ELF1: variants seen among roughly 807,000 people sequenced by gnomAD.
The protein encoded by ELF1 is ETS-related transcription factor Elf-1.
Under a neutral mutation model 59.9 loss-of-function variants are expected in ELF1, and 24 were observed. That is an observed-to-expected ratio of 0.40 (90% confidence interval 0.29 to 0.56). ELF1 has a LOEUF of 0.56. Among genes scored for constraint, ELF1 ranks in the 20% least tolerant of loss-of-function variants. The pLI is 0.44. For missense variants in ELF1, 627 were observed against 742.2 expected, an observed-to-expected ratio of 0.84 and a Z score of 1.80; for synonymous variants, 248 against 266.2, an observed-to-expected ratio of 0.93 and a Z score of 0.67.
intron 1 of ELF1, among the ~76,000 whole-genome samples, chr13:41,018,560 TTTC>T (rs1262724241): frequency 2.0e-5 from 3 of 152,212 alleles, no homozygotes; most frequent in African/African-American, 4.8e-5. Context: ...CATTCTAGTC[TTTC>T]TTCCTCTATT....
At chr13:41,031,492 G>A (rs1172584811) in intron 1 of ELF1, among the ~76,000 whole-genome samples, 2 of 152,056 alleles carry the variant, frequency 1.3e-5, no homozygotes, top group South Asian at 2.1e-4. Flanking sequence ...CTACAGAACT[G>A]AGAACAAAAA....
chr13:41,043,803 A>G (rs1157666757), intron 1 of ELF1, among the ~76,000 whole-genome samples: 2 of 152,162 alleles, frequency 1.3e-5, no homozygotes, highest in Admixed American at 1.3e-4. Flanking sequence ...TTGGTACCAT[A>G]TGAACTTTAA....
chr13:41,024,753 T>C (rs1242061294), intron 1 of ELF1, among the ~76,000 whole-genome samples: 1 of 152,148 alleles, frequency 6.6e-6, no homozygotes, highest in Admixed American at 6.6e-5. Context: ...TCAAAGACAT[T>C]TGTTAACCTA....
intron 7 of ELF1, among the ~76,000 whole-genome samples, chr13:40,941,808 C>G (rs1566165694): frequency 1.3e-5 from 2 of 152,222 alleles, no homozygotes; most frequent in South Asian, 4.1e-4. Context: ...CAGGCGCATG[C>G]TACCACACGT....
At chr13:40,942,844 T>A in intron 7 of ELF1, 108 bp downstream of exon 7, 1 of 1,151,150 alleles carries the variant, frequency 8.7e-7, no homozygotes, top group Non-Finnish European at 1.2e-6. Flanking sequence ...TCTTATTATG[T>A]ATTTGCATTA....
intron 1 of ELF1, among the ~76,000 whole-genome samples, chr13:41,054,724 C>T (rs1387115586): frequency 6.6e-6 from 1 of 152,074 alleles, no homozygotes; most frequent in African/African-American, 2.4e-5. Flanking sequence ...TATTGGACTG[C>T]GGGAAGTCCT....
intron 1 of ELF1, among the ~76,000 whole-genome samples, chr13:40,983,380 A>AAATCCAGCTAGTATGTGTCAGCC (rs1429923482): frequency 2.0e-5 from 3 of 152,218 alleles, no homozygotes; most frequent in African/African-American, 4.8e-5. Flanking sequence ...CTGAAAACGT[A>AAATCCAGCTAGTATGTGTCAGCC]AATCCAGCTA....
Position 40,955,239 on chromosome 13 carries a change from C to T in ELF1, c.253+3597G>A, listed in dbSNP as rs1345748957. On this transcript the variant is annotated intron_variant, in intron 3 of 8. Coordinates refer to ENST00000239882, the MANE Select transcript of ELF1 (RefSeq NM_172373.4). The stretch of plus-strand genomic sequence containing the variant: ...GCCACTCCGTCTGGGAAGTGAGGAG[C>T]ATCTCCGCCTGGCAGCCACCCCGTC... Among the ~76,000 whole-genome samples, 755 of 145,366 alleles carry T rather than the reference C, an allele frequency of 5.2e-3. 10 individuals carry two copies. The highest frequency in any genetic ancestry group is 0.012 in the South Asian group (52 of 4,410).
At chr13:40,947,755 T>C (rs940697212) in intron 5 of ELF1, among the ~76,000 whole-genome samples, 1 of 152,154 alleles carries the variant, frequency 6.6e-6, no homozygotes, top group Non-Finnish European at 1.5e-5. Flanking sequence ...AACTCACATT[T>C]TGGTATCACA....
intron 2 of ELF1, among the ~76,000 whole-genome samples, chr13:40,964,956 AC>A (rs1374118524): frequency 1.3e-4 from 20 of 152,036 alleles, no homozygotes; most frequent in Non-Finnish European, 2.2e-4. Flanking sequence ...ATAAGGTTAC[AC>A]TCTGAGGTAC....
At chr13:41,005,225 C>T (rs947651234) in intron 1 of ELF1, among the ~76,000 whole-genome samples, 14 of 151,956 alleles carry the variant, frequency 9.2e-5, no homozygotes, top group African/African-American at 2.9e-4. Flanking sequence ...GTCTTGGGAT[C>T]TAAGATTCAA....
intron 2 of ELF1, among the ~76,000 whole-genome samples, chr13:40,973,199 C>G (rs1427611825): frequency 2.6e-5 from 4 of 152,150 alleles, no homozygotes; most frequent in African/African-American, 7.2e-5. Flanking sequence ...TCGCATCATC[C>G]TGCTGATAAG....
intron 1 of ELF1, among the ~76,000 whole-genome samples, chr13:40,984,158 C>T (rs1471438829): frequency 6.6e-6 from 1 of 152,204 alleles, no homozygotes; most frequent in Non-Finnish European, 1.5e-5. Flanking sequence ...ACAACTGAAG[C>T]AAAACCTCTT....
intron 2 of ELF1, among the ~76,000 whole-genome samples, chr13:40,963,911 GA>G (rs530094659): frequency 1.8e-4 from 25 of 136,826 alleles, no homozygotes; most frequent in East Asian, 1.1e-3. Flanking sequence ...GTCTCAAAAA[GA>G]AAAAAAAAAA....
At chr13:40,968,217 C>G (rs1872305703) in intron 2 of ELF1, among the ~76,000 whole-genome samples, 1 of 152,290 alleles carries the variant, frequency 6.6e-6, no homozygotes, top group Middle Eastern at 3.4e-3. Context: ...AACTTCAAAA[C>G]ATCTTCAAAA....
At chr13:41,058,229 A>T (rs553042673) in intron 1 of ELF1, among the ~76,000 whole-genome samples, 1 of 152,260 alleles carries the variant, frequency 6.6e-6, no homozygotes, top group Admixed American at 6.5e-5. Context: ...ATCAAGTTAA[A>T]ATTCCTTTCT....
At chr13:41,006,950 T>G (rs1212865865) in intron 1 of ELF1, among the ~76,000 whole-genome samples, 3 of 152,178 alleles carry the variant, frequency 2.0e-5, no homozygotes, top group Non-Finnish European at 4.4e-5. Context: ...CCCAAGTTTA[T>G]CTAAAACATA....
chr13:40,937,022 C>T (rs1179277020), intron 8 of ELF1, among the ~76,000 whole-genome samples: 3 of 152,130 alleles, frequency 2.0e-5, no homozygotes, highest in Non-Finnish European at 4.4e-5. Flanking sequence ...TTATCTATAC[C>T]ATCTACGATG....
chr13:40,935,785 G>C (rs1273676193), intron 8 of ELF1, among the ~76,000 whole-genome samples: 1 of 150,836 alleles, frequency 6.6e-6, no homozygotes, highest in Non-Finnish European at 1.5e-5. Context: ...GCAATTCTCT[G>C]CCTCAGCCTC....
Sources: allele counts gnomAD v4.1 joint callset (sites outside exome capture counted in the v4.1 genomes callset), GRCh38; gene constraint gnomAD v4.1.1; transcripts MANE v1.5; gene names NCBI Gene and HGNC (gene_info 2026-07-23, HGNC 2026-07-21).